The following FGF12 variants were observed in gnomAD, a reference collection of about 807,000 sequenced individuals.
FGF12 encodes the protein fibroblast growth factor 12B.
In FGF12, 14 loss-of-function variants were observed where a neutral mutation model predicts 23.6. That is an observed-to-expected ratio of 0.59 (90% CI 0.39 to 0.93). FGF12 has a LOEUF of 0.93. Among genes scored for constraint, FGF12 ranks in the 40% least tolerant of loss-of-function variants. The probability of loss-of-function intolerance (pLI) is 0.00; values close to 1 mark genes in which losing one functional copy is unlikely to be tolerated. For synonymous variants in FGF12, 62 were observed against 77.3 expected, an observed-to-expected ratio of 0.80 and a Z score of 1.04; for missense variants, 175 against 217.8, an observed-to-expected ratio of 0.80 and a Z score of 1.24.
intron 5 of FGF12, among the ~76,000 whole-genome samples, chr3:192,165,147 G>A (rs559397392): frequency 2.6e-5 from 4 of 151,928 alleles, no homozygotes; most frequent in South Asian, 4.2e-4. Context: ...TAGTGATGAC[G>A]TTTCATCATG....
chr3:192,414,821 C>A (rs1220181716), intron 2 of FGF12, among the ~76,000 whole-genome samples: 2 of 152,104 alleles, frequency 1.3e-5, no homozygotes, highest in African/African-American at 4.8e-5. Context: ...TTGTGAATGA[C>A]CTTGAAGAGA....
intron 2 of FGF12, among the ~76,000 whole-genome samples, chr3:192,597,217 G>A (rs912196835): frequency 2.0e-5 from 3 of 152,102 alleles, no homozygotes; most frequent in African/African-American, 2.4e-5. Flanking sequence ...GTTAGGATTT[G>A]AACATTAAAG....
chr3:192,196,586 T>G (rs1419615704), intron 4 of FGF12, among the ~76,000 whole-genome samples: 1 of 152,160 alleles, frequency 6.6e-6, no homozygotes, highest in Admixed American at 6.5e-5. Context: ...CATAAAGCTG[T>G]TTAGCAACAT....
intron 2 of FGF12, among the ~76,000 whole-genome samples, chr3:192,617,154 T>C (rs1295398965): frequency 6.6e-6 from 1 of 152,120 alleles, no homozygotes; most frequent in Non-Finnish European, 1.5e-5. Context: ...GTGATGTATG[T>C]GGGTCCACAA....
intron 4 of FGF12, among the ~76,000 whole-genome samples, chr3:192,205,587 G>A (rs531599279): frequency 3.3e-5 from 5 of 152,186 alleles, no homozygotes; most frequent in Non-Finnish European, 7.3e-5. Flanking sequence ...TCCTTAGACT[G>A]GGTGCTTGAT....
intron 2 of FGF12, among the ~76,000 whole-genome samples, chr3:192,486,339 G>A (rs894091431): frequency 7.2e-5 from 11 of 152,054 alleles, no homozygotes; most frequent in African/African-American, 2.7e-4. Context: ...TTCAGTGTAT[G>A]AATGGTCCTG....
At chr3:192,586,475 C>T (rs1209752186) in intron 2 of FGF12, among the ~76,000 whole-genome samples, 1 of 152,042 alleles carries the variant, frequency 6.6e-6, no homozygotes, top group Non-Finnish European at 1.5e-5. Flanking sequence ...CAGTATAGTA[C>T]CTGACAAATA....
chr3:192,570,712 A>AAC (rs532352147), intron 2 of FGF12, among the ~76,000 whole-genome samples: 35 of 151,964 alleles, frequency 2.3e-4, no homozygotes, highest in South Asian at 2.3e-3. Context: ...CCTGGAAATC[A>AAC]ACACACACAC....
In FGF12 at chr3:192,390,219, T is replaced by C. The variant is rs566353216; in HGVS notation, c.14-29681A>G. ...TTTCCCATCTCTATTCATTTATTTG[T>C]TGATGTGTTTACCGCCTACACTTAC... On this transcript the variant is annotated intron_variant, in intron 2 of 5. Coordinates refer to ENST00000445105, the MANE Select transcript of FGF12 (RefSeq NM_004113.6). Among the ~76,000 whole-genome samples, 3 of 152,318 alleles carry C rather than the reference T, an allele frequency of 2.0e-5. No individual in the cohort carries two copies. In the South Asian group the frequency reaches 6.2e-4, roughly 32 times the overall value.
intron 2 of FGF12, among the ~76,000 whole-genome samples, chr3:192,430,906 G>A (rs909831096): frequency 1.3e-5 from 2 of 152,118 alleles, no homozygotes; most frequent in African/African-American, 2.4e-5. Flanking sequence ...CAACCTTTGA[G>A]TTTTTCAAAC....
intron 2 of FGF12, among the ~76,000 whole-genome samples, chr3:192,460,081 T>C (rs1168448886): frequency 6.6e-6 from 1 of 152,034 alleles, no homozygotes; most frequent in Non-Finnish European, 1.5e-5. Context: ...AAAGAAGAGT[T>C]GGTGGGTGAG....
At chr3:192,676,816 A>T (rs959273925) in intron 2 of FGF12, among the ~76,000 whole-genome samples, 4 of 152,240 alleles carry the variant, frequency 2.6e-5, no homozygotes, top group Non-Finnish European at 4.4e-5. Context: ...CTTGAAGCTA[A>T]GGAAGAGGCA....
rs557996345 is a variant in FGF12, at chr3:192,684,928, A to G, written c.13+42253T>C. Among the ~76,000 whole-genome samples, 166 of 152,284 alleles carry G rather than the reference A, an allele frequency of 1.1e-3. 2 individuals are homozygous for G. The highest frequency in any genetic ancestry group is 6.8e-3 in the Middle Eastern group (2 of 294). ...AGACTGACCTTGTTGTTCAAATGTCAACTCCCCTATTTACTTGTGTTATGT... is the reference window on the plus strand; with the variant it reads ...AGACTGACCTTGTTGTTCAAATGTCGACTCCCCTATTTACTTGTGTTATGT... On this transcript the variant is annotated intron_variant, in intron 2 of 5. Transcript: ENST00000445105.
chr3:192,616,734 T>C (rs527959759), intron 2 of FGF12, among the ~76,000 whole-genome samples: 2 of 152,168 alleles, frequency 1.3e-5, no homozygotes, highest in Non-Finnish European at 2.9e-5. Context: ...TACGGCATTA[T>C]GTACACCCTC....
At chr3:192,625,124 A>C (rs1715121687) in intron 2 of FGF12, among the ~76,000 whole-genome samples, 1 of 152,052 alleles carries the variant, frequency 6.6e-6, no homozygotes, top group South Asian at 2.1e-4. Flanking sequence ...TTTATAGATG[A>C]TTCTATGATG....
intron 4 of FGF12, among the ~76,000 whole-genome samples, chr3:192,334,531 T>C (rs1045010221): frequency 2.0e-5 from 3 of 151,978 alleles, no homozygotes; most frequent in Non-Finnish European, 2.9e-5. Context: ...TACACACATA[T>C]ACACACACAC....
chr3:192,577,521 G>A (rs1403571148), intron 2 of FGF12, among the ~76,000 whole-genome samples: 1 of 152,202 alleles, frequency 6.6e-6, no homozygotes, highest in African/African-American at 2.4e-5. Context: ...TTTTGGCAGT[G>A]TTGGAGAGAT....
chr3:192,302,606 T>C (rs992314932), intron 4 of FGF12, among the ~76,000 whole-genome samples: 23 of 152,308 alleles, frequency 1.5e-4, no homozygotes, highest in African/African-American at 5.5e-4. Flanking sequence ...TAAAATGTGG[T>C]CCTTGCATAT....
intron 2 of FGF12, among the ~76,000 whole-genome samples, chr3:192,452,187 T>A (rs1253315294): frequency 6.6e-6 from 1 of 152,208 alleles, no homozygotes; most frequent in Non-Finnish European, 1.5e-5. Flanking sequence ...TATTTCTCAG[T>A]TGCTAGGAGA....
Sources: allele counts gnomAD v4.1 joint callset (sites outside exome capture counted in the v4.1 genomes callset), GRCh38; gene constraint gnomAD v4.1.1; transcripts MANE v1.5; gene names NCBI Gene and HGNC (gene_info 2026-07-23, HGNC 2026-07-21).